PDGFD: variants seen among roughly 807,000 people sequenced by gnomAD.
PDGFD encodes platelet derived growth factor D, also known as platelet-derived growth factor D.
PDGFD carries 30 observed loss-of-function variants against 44.7 expected under a neutral mutation model. The ratio of observed to expected loss-of-function variants is 0.67; its 90% CI spans 0.50 to 0.91. PDGFD has a LOEUF of 0.91. Ranked by LOEUF, PDGFD falls within the 40% of genes least tolerant of loss-of-function variation. The pLI, the probability that PDGFD is intolerant of heterozygous loss-of-function variation, is 0.00. For missense variants in PDGFD, 445 were observed against 457.8 expected, an observed-to-expected ratio of 0.97 and a Z score of 0.25; for synonymous variants, 173 against 168.4, an observed-to-expected ratio of 1.03 and a Z score of -0.21.
intron 3 of PDGFD, among the ~76,000 whole-genome samples, chr11:103,951,069 G>A (rs1169001004): frequency 6.6e-6 from 1 of 152,096 alleles, no homozygotes; most frequent in Non-Finnish European, 1.5e-5. Flanking sequence ...ATTTTAATAA[G>A]AGCAAATGAT....
chr11:104,142,004 G>A (rs1862092451), intron 1 of PDGFD, among the ~76,000 whole-genome samples: 1 of 152,120 alleles, frequency 6.6e-6, no homozygotes, highest in Non-Finnish European at 1.5e-5. Flanking sequence ...ACCAAAGGAT[G>A]CCTTATTGTC....
intron 1 of PDGFD, among the ~76,000 whole-genome samples, chr11:104,053,746 CA>C (rs1860577965): frequency 6.6e-6 from 1 of 152,126 alleles, no homozygotes; most frequent in African/African-American, 2.4e-5. Context: ...ACAGAGAAAT[CA>C]AACCAGATAC....
chr11:103,986,511 A>G (rs1859367754), intron 3 of PDGFD, among the ~76,000 whole-genome samples: 1 of 152,146 alleles, frequency 6.6e-6, no homozygotes, highest in South Asian at 2.1e-4. Flanking sequence ...ATCAACAAGT[A>G]TTTTTCCTTT....
intron 3 of PDGFD, among the ~76,000 whole-genome samples, chr11:103,984,890 C>A (rs1415134934): frequency 1.1e-4 from 15 of 132,394 alleles, no homozygotes; most frequent in African/African-American, 3.6e-4. Flanking sequence ...TATTTATTTA[C>A]TATATAATAT....
At chr11:104,114,375 C>T (rs559786421) in intron 1 of PDGFD, among the ~76,000 whole-genome samples, 1 of 151,876 alleles carries the variant, frequency 6.6e-6, no homozygotes, top group Admixed American at 6.6e-5. Flanking sequence ...ATTAGGTTGT[C>T]TTTGATCTGT....
chr11:104,043,494 G>T (rs766237735), intron 1 of PDGFD, among the ~76,000 whole-genome samples: 5 of 152,152 alleles, frequency 3.3e-5, no homozygotes, highest in Non-Finnish European at 5.9e-5. Context: ...ACCCACAGTG[G>T]CACTGTGTTC....
intron 3 of PDGFD, among the ~76,000 whole-genome samples, chr11:103,987,435 A>G (rs1252964178): frequency 6.6e-6 from 1 of 152,126 alleles, no homozygotes; most frequent in East Asian, 1.9e-4. Context: ...GTTTATGACC[A>G]TTTGTAACCA....
chr11:104,128,344 T>A (rs1159115037), intron 1 of PDGFD, among the ~76,000 whole-genome samples: 1 of 152,118 alleles, frequency 6.6e-6, no homozygotes, highest in East Asian at 1.9e-4. Flanking sequence ...ATAGTATACT[T>A]TGAAATTTGT....
At chr11:104,106,765 T>C (rs1861476815) in intron 1 of PDGFD, among the ~76,000 whole-genome samples, 1 of 150,280 alleles carries the variant, frequency 6.7e-6, no homozygotes, top group Admixed American at 6.7e-5. Flanking sequence ...TTTTTTCAAG[T>C]CAGAATCTCA....
intron 1 of PDGFD, among the ~76,000 whole-genome samples, chr11:104,008,371 CA>C (rs1195053792): frequency 6.6e-6 from 1 of 152,034 alleles, no homozygotes; most frequent in African/African-American, 2.4e-5. Context: ...CTATATGTAA[CA>C]TTTTATTATA....
chr11:104,082,001 A>C (rs545036675), intron 1 of PDGFD, among the ~76,000 whole-genome samples: 5 of 151,832 alleles, frequency 3.3e-5, no homozygotes, highest in African/African-American at 9.7e-5. Flanking sequence ...TAAATAATGG[A>C]CTTGGTGTAG....
At chr11:104,040,737 T>A (rs2134398783) in intron 1 of PDGFD, among the ~76,000 whole-genome samples, 1 of 152,098 alleles carries the variant, frequency 6.6e-6, no homozygotes, top group Middle Eastern at 3.4e-3. Flanking sequence ...GACAACAAAC[T>A]ACATTTTACA....
chr11:103,977,713 A>G (rs1859204561), intron 3 of PDGFD, among the ~76,000 whole-genome samples: 1 of 152,156 alleles, frequency 6.6e-6, no homozygotes, highest in Non-Finnish European at 1.5e-5. Flanking sequence ...TGATTAAAAC[A>G]TACCATGTGT....
intron 6 of PDGFD, among the ~76,000 whole-genome samples, chr11:103,913,185 C>T (rs990420005): frequency 2.6e-5 from 4 of 152,084 alleles, no homozygotes; most frequent in Admixed American, 6.6e-5. Context: ...CACCCCAAAT[C>T]AACAGAATAT....
At chr11:104,073,301 C>T (rs779752159) in intron 1 of PDGFD, among the ~76,000 whole-genome samples, 4 of 152,176 alleles carry the variant, frequency 2.6e-5, no homozygotes, top group Non-Finnish European at 5.9e-5. Flanking sequence ...TTTAAAAATG[C>T]TACATAAATA....
intron 1 of PDGFD, among the ~76,000 whole-genome samples, chr11:104,131,450 G>C: frequency 6.6e-6 from 1 of 152,138 alleles, no homozygotes; most frequent in Non-Finnish European, 1.5e-5. Flanking sequence ...CTTAGTATCA[G>C]TTAAATAAGC....
intron 1 of PDGFD, among the ~76,000 whole-genome samples, chr11:104,100,557 C>A (rs932142321): frequency 2.6e-5 from 4 of 152,014 alleles, no homozygotes; most frequent in Admixed American, 2.0e-4. Context: ...TGGTACCATT[C>A]CAATCAAAAG....
intron 1 of PDGFD, among the ~76,000 whole-genome samples, chr11:104,062,022 C>G (rs1017006812): frequency 6.6e-6 from 1 of 152,182 alleles, no homozygotes; most frequent in African/African-American, 2.4e-5. Flanking sequence ...TTTCTATTCT[C>G]GTTTTTCTCA....
chr11:103,985,960 A>C (rs1258196034), intron 3 of PDGFD, among the ~76,000 whole-genome samples: 1 of 152,160 alleles, frequency 6.6e-6, no homozygotes, highest in Non-Finnish European at 1.5e-5. Flanking sequence ...TCTCTTTCAC[A>C]GAGGTGGCTC....
Sources: gnomAD v4.1 joint callset for allele counts (sites outside exome capture counted in the v4.1 genomes callset) on GRCh38, gnomAD v4.1.1 for gene constraint, MANE v1.5 for transcripts, NCBI Gene and HGNC (gene_info 2026-07-23, HGNC 2026-07-21) for gene names.